CEMIP: variants seen among roughly 807,000 people sequenced by gnomAD.
The protein encoded by CEMIP is cell migration inducing hyaluronidase 1.
A neutral mutation model predicts 156.9 loss-of-function variants in CEMIP; 105 were observed. That is an observed-to-expected ratio of 0.67 (90% CI 0.57 to 0.79). The LOEUF is 0.79. Ranked by LOEUF, CEMIP falls within the 30% of genes least tolerant of loss-of-function variation. CEMIP has a pLI of 0.00. For synonymous variants in CEMIP, 676 were observed against 668.4 expected (o/e 1.01, Z -0.17); for missense variants, 1,457 against 1,769.4 (o/e 0.82, Z 3.17).
chr15:80,829,957 A>G (rs28459142), intron 1 of CEMIP, among the ~76,000 whole-genome samples: 1 of 139,258 alleles, frequency 7.2e-6, no homozygotes, highest in African/African-American at 3.0e-5. Flanking sequence ...CATAGAAGGG[A>G]GGTAGCGGGT....
chr15:80,839,165 C>T (rs956745784), intron 1 of CEMIP, among the ~76,000 whole-genome samples: 5 of 152,094 alleles, frequency 3.3e-5, no homozygotes, highest in East Asian at 1.9e-4. Flanking sequence ...AAGTAAGAGG[C>T]GCCCCTGCCC....
intron 12 of CEMIP, among the ~76,000 whole-genome samples, chr15:80,900,638 G>GTGTGTGTCTGTGTGTCTGTGTGTC (rs1596172807): frequency 9.8e-6 from 1 of 101,926 alleles, no homozygotes; most frequent in African/African-American, 3.5e-5. Context: ...GTGTGTGTGT[G>GTGTGTGTCTGTGTGTCTGTGTGTC]TGTGTGTGTG....
intron 1 of CEMIP, among the ~76,000 whole-genome samples, chr15:80,814,186 C>A (rs929994228): frequency 6.6e-6 from 1 of 151,562 alleles, no homozygotes; most frequent in Non-Finnish European, 1.5e-5. Context: ...GTAGCTGGGA[C>A]TACAGGTGCC....
chr15:80,897,223 T>C (rs776783309), intron 12 of CEMIP: 2 of 455,288 alleles, frequency 4.4e-6, no homozygotes, highest in Non-Finnish European at 8.8e-6. Flanking sequence ...AGAAAGACCA[T>C]GGATTGAGAA....
intron 1 of CEMIP, among the ~76,000 whole-genome samples, chr15:80,848,927 C>CACACA (rs1567068477): frequency 7.2e-6 from 1 of 139,360 alleles, no homozygotes; most frequent in African/African-American, 2.8e-5. Context: ...CACACACACA[C>CACACA]CCTGGCTTCA....
intron 1 of CEMIP, among the ~76,000 whole-genome samples, chr15:80,823,066 T>TAAC (rs369505880): frequency 3.3e-5 from 5 of 152,004 alleles, no homozygotes; most frequent in Admixed American, 6.6e-5. Flanking sequence ...AAAATAACAA[T>TAAC]AACAACAACA....
At chr15:80,846,686 C>T (rs940800477) in intron 1 of CEMIP, among the ~76,000 whole-genome samples, 2 of 152,160 alleles carry the variant, frequency 1.3e-5, no homozygotes, top group South Asian at 4.2e-4. Context: ...TGCCGGTGGT[C>T]CCGATGCCAC....
intron 28 of CEMIP, 53 bp from the exon 29 acceptor site, chr15:80,946,912 A>G: frequency 7.9e-7 from 1 of 1,264,796 alleles, no homozygotes; most frequent in Non-Finnish European, 1.2e-6. Flanking sequence ...CCCCATGCCC[A>G]CTTTCTCCAG....
At chr15:80,938,046 ATAAGTC>A (rs1901201254) in intron 25 of CEMIP, 67 bp downstream of exon 25, 10 of 1,354,294 alleles carry the variant, frequency 7.4e-6, no homozygotes, top group Non-Finnish European at 1.0e-5. Context: ...GGCCTTTCCA[ATAAGTC>A]TAAGAACAGC....
chr15:80,902,740 G>A (rs1410813823), intron 12 of CEMIP, among the ~76,000 whole-genome samples: 3 of 152,082 alleles, frequency 2.0e-5, no homozygotes, highest in Non-Finnish European at 4.4e-5. Context: ...CTTCTCCTAC[G>A]GAACAAAGAA....
At position 80,888,728 on chromosome 15, in the gene CEMIP, T is replaced by C. The variant is rs1465109692; in HGVS notation, c.896T>C (p.Val299Ala). The C allele has an allele frequency of 1.2e-6, 2 of 1,613,942 alleles. No individual in the cohort carries two copies. Among genetic ancestry groups the C allele is most frequent in the African/African-American group, 2.7e-5 (2 of 74,880 alleles). Residue 299 changes from valine (V) to alanine (A), a missense_variant, in exon 9 of 30, where the codon GTA (valine) becomes GCA (alanine). Coordinates refer to ENST00000394685, the MANE Select transcript of CEMIP (RefSeq NM_001293298.2). ...HGHRGSAAAR[V>A]FKLFQTEHGE... Reference sequence around the variant, plus strand: ...CATCGAGGCTCTGCTGCTGCCCGGGTATTCAAATTGTTCCAGACAGAGCAT... The same window carrying C: ...CATCGAGGCTCTGCTGCTGCCCGGGCATTCAAATTGTTCCAGACAGAGCAT...
chr15:80,850,562 C>A (rs1026197688), intron 1 of CEMIP, among the ~76,000 whole-genome samples: 3 of 152,196 alleles, frequency 2.0e-5, no homozygotes, highest in Admixed American at 6.5e-5. Flanking sequence ...AGGTGTGAGG[C>A]ATCACGCCCA....
rs1426104218 is a variant in CEMIP, at chr15:80,888,792, T to G, written c.960T>G (p.Val320=). The G allele has an allele frequency of 1.2e-6, 2 of 1,613,780 alleles. No individual in the cohort carries two copies. Residue 320 remains valine (V), a synonymous_variant, in exon 9 of 30, where the codon GTT becomes GTG. Transcript: ENST00000394685. The stretch of plus-strand genomic sequence containing the variant: ...ATGTTTCTTTGTCCAGTGAGTGGGT[T>G]CAAGGTGAGGAGTTTCAGACAATTT... ...YFNVSLSSEW[V]QDVEWTEWFD...
chr15:80,943,149 C>T, intron 28 of CEMIP, 47 bp downstream of exon 28: 1 of 1,606,894 alleles, frequency 6.2e-7, no homozygotes, highest in South Asian at 1.1e-5. Flanking sequence ...GCACAGCAGA[C>T]CCCTGGGCAA....
rs780825663 is a variant in CEMIP, at chr15:80,936,935, C to A, written c.3221+50C>A. 10 of 1,561,134 alleles carry A rather than the reference C, an allele frequency of 6.4e-6. No homozygotes were observed. The South Asian group carries it at 1.1e-4, about 17-fold the overall frequency. On this transcript the variant is annotated intron_variant, in intron 24 of 29. Transcript: ENST00000394685. Reference sequence around the variant, plus strand: ...AGTGAGCTCAAAGCTGATAACGATGCCTTGTTGCAAAGTCCTGGACTTGCG... The same window carrying A: ...AGTGAGCTCAAAGCTGATAACGATGACTTGTTGCAAAGTCCTGGACTTGCG...
At chr15:80,855,056 G>A (rs1293637204) in intron 1 of CEMIP, among the ~76,000 whole-genome samples, 1 of 152,194 alleles carries the variant, frequency 6.6e-6, no homozygotes, top group Non-Finnish European at 1.5e-5. Context: ...GCATGGTGGT[G>A]TGTGCCTGTA....
chr15:80,895,248 C>T (rs913015084), intron 11 of CEMIP, 126 bp downstream of exon 11: 33 of 1,280,816 alleles, frequency 2.6e-5, no homozygotes, highest in South Asian at 2.2e-4. Context: ...TTTTGTGACA[C>T]GGGAGCAGTG....
Position 80,951,310 on chromosome 15 carries a change from T to A in CEMIP, c.*2386T>A, listed in dbSNP as rs1286221144. 1 of 152,640 alleles carries A rather than the reference T, an allele frequency of 6.6e-6. No homozygotes were observed. Among genetic ancestry groups the A allele is most frequent in the Non-Finnish European group, 1.5e-5 (1 of 68,030 alleles). 9.5% of individuals were successfully genotyped at this position (152,640 alleles called of 1,614,324 possible). A position where few individuals can be genotyped will look rare whatever the true frequency, so the allele number is the denominator to read the frequency against. On this transcript the variant is annotated 3_prime_UTR_variant, in exon 30 of 30. Transcript: ENST00000394685. ...TGTACATATGTTTCACAGTACAGGATCTGTACATAAAAGTTTCTTTCCTAA... is the reference window on the plus strand; with the variant it reads ...TGTACATATGTTTCACAGTACAGGAACTGTACATAAAAGTTTCTTTCCTAA...
intron 1 of CEMIP, among the ~76,000 whole-genome samples, chr15:80,870,883 G>C (rs889816245): frequency 1.3e-5 from 2 of 152,188 alleles, no homozygotes; most frequent in Non-Finnish European, 2.9e-5. Context: ...TGAAAGGACA[G>C]GCAAGCTCAG....
Sources: allele counts gnomAD v4.1 joint callset (sites outside exome capture counted in the v4.1 genomes callset), GRCh38; gene constraint gnomAD v4.1.1; transcripts MANE v1.5; gene names NCBI Gene and HGNC (gene_info 2026-07-23, HGNC 2026-07-21).